DNAI4: variants seen among roughly 807,000 people sequenced by gnomAD.
The protein encoded by DNAI4 is WD repeat domain 78.
Under a neutral mutation model 105.8 loss-of-function variants are expected in DNAI4, and 85 were observed. The observed-to-expected ratio is 0.80, with a 90% CI of 0.67 to 0.96. DNAI4 has a LOEUF of 0.96. Among genes scored for constraint, DNAI4 ranks in the 40% least tolerant of loss-of-function variants. The pLI is 0.00. For missense variants in DNAI4, 1,014 were observed against 1,005.6 expected (o/e 1.01, Z -0.11); for synonymous variants, 352 against 331.5 (o/e 1.06, Z -0.67).
chr1:66,892,548 AACTCT>A (rs1647748652), intron 3 of DNAI4, among the ~76,000 whole-genome samples: 2 of 152,192 alleles, frequency 1.3e-5, no homozygotes, highest in South Asian at 4.1e-4. Context: ...AGTGTATGGA[AACTCT>A]GAAGACATTA....
At chr1:66,924,537 AG>A in intron 1 of DNAI4, 124 bp downstream of exon 1, 1 of 1,280,884 alleles carries the variant, frequency 7.8e-7, no homozygotes, top group Non-Finnish European at 1.1e-6. Flanking sequence ...AGGAGCTTCA[AG>A]GTCTACAGAC....
intron 7 of DNAI4, among the ~76,000 whole-genome samples, chr1:66,856,009 A>AT (rs910219585): frequency 6.6e-6 from 1 of 151,282 alleles, no homozygotes; most frequent in Non-Finnish European, 1.5e-5. Context: ...TAATTTTTGT[A>AT]TTTTTTAGTA....
chr1:66,874,792 A>T lies in DNAI4; in HGVS notation c.789T>A (p.Ala263=). The T allele has an allele frequency of 1.2e-6, 2 of 1,606,256 alleles. No individual in the cohort carries two copies. Among genetic ancestry groups the T allele is most frequent in the Non-Finnish European group, 1.7e-6 (2 of 1,177,994 alleles). The part of the protein sequence containing the change: ...TVMVSVESEE[A]EKVTQRNKNY... ...TGAACCATACATACGTTACTTTCTCAGCTTCTTCAGATTCTACAGAGACCA... is the reference window on the plus strand; with the variant it reads ...TGAACCATACATACGTTACTTTCTCTGCTTCTTCAGATTCTACAGAGACCA... Residue 263 remains alanine, a synonymous_variant, in exon 5 of 17, where the codon GCT becomes GCA. Coordinates refer to ENST00000371026, the MANE Select transcript of DNAI4 (RefSeq NM_024763.5).
chr1:66,903,982 T>A (rs2100825952), intron 2 of DNAI4, among the ~76,000 whole-genome samples: 1 of 151,392 alleles, frequency 6.6e-6, no homozygotes, highest in South Asian at 2.1e-4. Context: ...AGAAAATAAT[T>A]TTATATATAT....
In DNAI4 at chr1:66,827,793, C is replaced by T. The variant is rs201378452; in HGVS notation, c.2112+19G>A. ...AGAAATACAAAATAAATGTTCCAAC[C>T]TACTATAATTAAACTAACCTTATGT... is the stretch of plus-strand genomic sequence containing the variant. On this transcript the variant is annotated intron_variant, in intron 14 of 16. Coordinates refer to ENST00000371026, the MANE Select transcript of DNAI4 (RefSeq NM_024763.5). The T allele has an allele frequency of 1.0e-5, 14 of 1,392,700 alleles. No homozygotes were observed. Among genetic ancestry groups the T allele is most frequent in the Admixed American group, 6.4e-5 (3 of 47,012 alleles). The allele number at this position is 1,392,700 out of a possible 1,614,324, so 86.3% of individuals were successfully genotyped here.
intron 7 of DNAI4, among the ~76,000 whole-genome samples, chr1:66,857,419 G>T (rs986938782): frequency 2.0e-5 from 3 of 151,594 alleles, no homozygotes; most frequent in African/African-American, 7.3e-5. Flanking sequence ...ACACCAACTT[G>T]GCACATGTAT....
chr1:66,835,601 A>G (rs767428801), intron 11 of DNAI4, 25 bp downstream of exon 11: 5 of 1,608,762 alleles, frequency 3.1e-6, no homozygotes, highest in Non-Finnish European at 4.3e-6. Context: ...TGTATTATAC[A>G]TTTATCTAAT....
At chr1:66,922,327 C>A (rs1387185981) in intron 1 of DNAI4, among the ~76,000 whole-genome samples, 7 of 58,128 alleles carry the variant, frequency 1.2e-4, no homozygotes, top group Non-Finnish European at 2.3e-4. Context: ...GACTCTTTGA[C>A]ACAGTTACCT....
chr1:66,899,079 C>A (rs1346704381), intron 2 of DNAI4, among the ~76,000 whole-genome samples: 2 of 152,092 alleles, frequency 1.3e-5, no homozygotes, highest in African/African-American at 2.4e-5. Flanking sequence ...TTTGTGTATA[C>A]CCTTGTGTGT....
At position 66,924,775 on chromosome 1, in the gene DNAI4, C is replaced by G. The variant is rs772692432; in HGVS notation, c.57G>C (p.Trp19Cys). 10 of 1,613,828 alleles carry G rather than the reference C, an allele frequency of 6.2e-6. No homozygotes were observed. The Middle Eastern group carries it at 4.9e-4, about 80-fold the overall frequency. The part of the protein sequence containing the change: ...ASARAANGGA[W>C]GYRDFRGGQK... ...GGCCGCCTCTGAAGTCCCTGTACCC[C>G]CAAGCTCCTCCGTTAGCGGCTCGGG... Residue 19 changes from tryptophan (W) to cysteine (C), a missense_variant, in exon 1 of 17, where the codon TGG becomes TGC. Physicochemically the swap from Trp to Cys is radical, Grantham distance 215 (BLOSUM62 -2). Coordinates refer to ENST00000371026, the MANE Select transcript of DNAI4 (RefSeq NM_024763.5).
chr1:66,895,243 T>C (rs1466469012), intron 2 of DNAI4, among the ~76,000 whole-genome samples: 2 of 151,902 alleles, frequency 1.3e-5, no homozygotes, highest in African/African-American at 4.8e-5. Context: ...CTCTGGGAGG[T>C]CAAGGCAGAA....
intron 7 of DNAI4, among the ~76,000 whole-genome samples, chr1:66,852,440 CTCA>C (rs1459904834): frequency 6.6e-6 from 1 of 151,868 alleles, no homozygotes; most frequent in African/African-American, 2.4e-5. Flanking sequence ...ATCAATATCT[CTCA>C]TCAACATCAA....
chr1:66,904,563 C>G (rs545847526), intron 2 of DNAI4, among the ~76,000 whole-genome samples: 3 of 152,264 alleles, frequency 2.0e-5, no homozygotes, highest in African/African-American at 7.2e-5. Context: ...GTTGTTTATA[C>G]ATTCTAGTTA....
At chr1:66,905,766 G>A (rs1649193831) in intron 1 of DNAI4, among the ~76,000 whole-genome samples, 1 of 151,986 alleles carries the variant, frequency 6.6e-6, no homozygotes, top group Admixed American at 6.5e-5. Flanking sequence ...GTTATTATGA[G>A]GATTAAATAA....
rs201074098 is a variant in DNAI4 at position 66,834,183 on chromosome 1, A to G, written c.1734-35T>C. On this transcript the variant is annotated intron_variant, in intron 11 of 16. Coordinates refer to ENST00000371026, the MANE Select transcript of DNAI4 (RefSeq NM_024763.5). ...TAAAAAAAATACTAAACATATAATC[A>G]TTATAATAATTTCTTAAAGGCCTTG... 8.6e-4 allele frequency: 1,291 copies of G among 1,507,772 alleles called. 2 individuals carry two copies. Among genetic ancestry groups the G allele is most frequent in the Non-Finnish European group, 1.1e-3 (1,233 of 1,126,604 alleles). The allele number at this position is 1,507,772 out of a possible 1,614,324, so 93.4% of individuals were successfully genotyped here.
intron 10 of DNAI4, chr1:66,837,489 G>C (rs571885462): frequency 4.4e-5 from 24 of 544,964 alleles, no homozygotes; most frequent in Non-Finnish European, 7.6e-5. Context: ...ACAGCATATA[G>C]TACACATTCA....
rs908639942 is a variant in DNAI4 at position 66,898,093 on chromosome 1, T to C, written c.346-4680A>G. 2.6e-5 allele frequency among the ~76,000 whole-genome samples: 4 copies of C among 152,172 alleles called. No homozygotes were observed. In the South Asian group the frequency reaches 6.2e-4, roughly 24 times the overall value. On this transcript the variant is annotated intron_variant, in intron 2 of 16. Coordinates refer to ENST00000371026, the MANE Select transcript of DNAI4 (RefSeq NM_024763.5). ...AGGCAGTACATGGAGTCAAAAGATA[T>C]TATTCTCCAGCTTTAAAGTTTAATG...
intron 11 of DNAI4, among the ~76,000 whole-genome samples, chr1:66,834,785 C>A (rs908352732): frequency 4.6e-5 from 7 of 152,056 alleles, no homozygotes; most frequent in African/African-American, 9.7e-5. Flanking sequence ...CCAATGAAAT[C>A]AATTCTGAAC....
chr1:66,844,606 T>C (rs372662335), intron 8 of DNAI4, among the ~76,000 whole-genome samples: 1 of 151,916 alleles, frequency 6.6e-6, no homozygotes, highest in East Asian at 1.9e-4. Context: ...ATATAGATAG[T>C]AGACCTAAAC....
Sources: allele counts gnomAD v4.1 joint callset (sites outside exome capture counted in the v4.1 genomes callset), GRCh38; gene constraint gnomAD v4.1.1; transcripts MANE v1.5; gene names NCBI Gene and HGNC (gene_info 2026-07-23, HGNC 2026-07-21).